The following AR variants were observed in gnomAD, a reference collection of about 807,000 sequenced individuals.
The protein encoded by AR is androgen receptor.
In AR, 8 loss-of-function variants were observed where a neutral mutation model predicts 53.9. The ratio of observed to expected loss-of-function variants is 0.15; its 90% confidence interval spans 0.09 to 0.27. The LOEUF is 0.27. AR is among the 10% of genes least tolerant of loss of function. The pLI, the probability that AR is intolerant of heterozygous loss-of-function variation, is 1.00. For missense variants in AR, 639 were observed against 742.5 expected, an observed-to-expected ratio of 0.86 and a Z score of 1.62; for synonymous variants, 359 against 316.4, an observed-to-expected ratio of 1.13 and a Z score of -1.43.
chrX:67,663,993 G>A (rs778080231), intron 2 of AR, among the ~76,000 whole-genome samples: 1 of 111,576 alleles, frequency 9.0e-6, no homozygotes, highest in South Asian at 3.8e-4. Flanking sequence ...GGACTTCTCT[G>A]CATTGGTTAT....
rs375511121 is a variant in AR at position 67,643,205 on chromosome X, A to G, written c.1617-51A>G. The G allele has an allele frequency of 3.1e-4, 375 of 1,198,505 alleles. 1 individual carries two copies. Among genetic ancestry groups the G allele is most frequent in the Admixed American group, 7.0e-4 (32 of 45,640 alleles). ...TGAAGACCTGAGACTTCACTTGCCT[A>G]TTTCTGCCATTCAGTGACATGTGTT... On this transcript the variant is annotated intron_variant, in intron 1 of 7. Transcript: ENST00000374690.
intron 3 of AR, among the ~76,000 whole-genome samples, chrX:67,710,119 G>T (rs1036074006): frequency 6.4e-5 from 7 of 109,808 alleles, no homozygotes; most frequent in Non-Finnish European, 1.3e-4. Flanking sequence ...GAGAGAGAGA[G>T]ACAGAAAGAG....
intron 1 of AR, among the ~76,000 whole-genome samples, chrX:67,576,986 G>GTT (rs1281015066): frequency 2.9e-5 from 3 of 104,624 alleles, no homozygotes; most frequent in Non-Finnish European, 5.8e-5. Flanking sequence ...ATGTCAATGG[G>GTT]TTTCTCTCTC....
In AR at chrX:67,717,993, G is replaced by A. The variant is rs757764287; in HGVS notation, c.2318+371G>A. On this transcript the variant is annotated intron_variant, in intron 5 of 7. Transcript: ENST00000374690. The stretch of plus-strand genomic sequence containing the variant: ...CTTGGGTTCTTTTGCTACCACCAAA[G>A]GCTACTTCTAGTCACCATTTGCTGA... 2.7e-5 allele frequency among the ~76,000 whole-genome samples: 3 copies of A among 112,793 alleles called. No homozygotes were observed. In the South Asian group the frequency reaches 1.1e-3, roughly 41 times the overall value.
chrX:67,640,027 A>C (rs1383702941), intron 1 of AR, among the ~76,000 whole-genome samples: 1 of 111,696 alleles, frequency 9.0e-6, no homozygotes, highest in Non-Finnish European at 1.9e-5. Context: ...TTGAGCATGA[A>C]GCAGTGTTGT....
intron 1 of AR, among the ~76,000 whole-genome samples, chrX:67,643,014 A>G (rs1450792496): frequency 8.9e-6 from 1 of 111,879 alleles, no homozygotes; most frequent in Non-Finnish European, 1.9e-5. Context: ...GACATAGACT[A>G]TGAGATTGGC....
intron 2 of AR, among the ~76,000 whole-genome samples, chrX:67,663,497 C>G (rs1569299114): frequency 1.8e-5 from 2 of 112,433 alleles, no homozygotes; most frequent in Non-Finnish European, 3.8e-5. Context: ...GAGATCAGCT[C>G]TTAATCTGAT....
intron 1 of AR, among the ~76,000 whole-genome samples, chrX:67,628,449 G>A (rs1176162382): frequency 9.4e-6 from 1 of 106,730 alleles, no homozygotes; most frequent in East Asian, 3.0e-4. Context: ...GTCTGTTATT[G>A]GTGTATAAGA....
chrX:67,654,874 A>G lies in AR; in HGVS notation c.1768+11467A>G, dbSNP rs183206501. Among the ~76,000 whole-genome samples, 87 of 96,657 alleles carry G rather than the reference A, an allele frequency of 9.0e-4. 1 individual carries two copies. Among genetic ancestry groups the G allele is most frequent in the Non-Finnish European group, 1.6e-3 (79 of 48,634 alleles). 83.9% of individuals were successfully genotyped at this position (96,657 alleles called of 115,157 possible). A position where few individuals can be genotyped will look rare whatever the true frequency, so the allele number is the denominator to read the frequency against. On this transcript the variant is annotated intron_variant, in intron 2 of 7. Coordinates refer to ENST00000374690, the MANE Select transcript of AR (RefSeq NM_000044.6). Reference sequence around the variant, plus strand: ...TGCCGTCTCCTACATTCCTAGTGCTATGGACCTCTTGGAGGAATGTGGTTT... The same window carrying G: ...TGCCGTCTCCTACATTCCTAGTGCTGTGGACCTCTTGGAGGAATGTGGTTT...
intron 1 of AR, among the ~76,000 whole-genome samples, chrX:67,594,075 G>C (rs1047466560): frequency 2.7e-5 from 3 of 112,018 alleles, no homozygotes; most frequent in Admixed American, 9.5e-5. Flanking sequence ...GCTTACTACA[G>C]CCTCGATCTC....
At chrX:67,629,615 G>T (rs1373932533) in intron 1 of AR, among the ~76,000 whole-genome samples, 8 of 110,021 alleles carry the variant, frequency 7.3e-5, no homozygotes, top group Non-Finnish European at 1.1e-4. Context: ...TTTTTTGAAG[G>T]GTTTTTTGTG....
chrX:67,630,421 T>C (rs1361773443), intron 1 of AR, among the ~76,000 whole-genome samples: 2 of 111,723 alleles, frequency 1.8e-5, no homozygotes, highest in East Asian at 5.6e-4. Context: ...TTGATCTTTG[T>C]TGGTTTAAAG....
In AR at chrX:67,724,590, G is replaced by A. The variant is rs2147542162; in HGVS notation, c.*749G>A. 5.8e-6 allele frequency: 1 copy of A among 173,445 alleles called. No individual in the cohort carries two copies. Among genetic ancestry groups the A allele is most frequent in the African/African-American group, 3.0e-5 (1 of 33,606 alleles). The allele number at this position is 173,445 out of a possible 1,213,427, so 14.3% of individuals were successfully genotyped here. ...TGGACAGAGAGGAGAGGACAAGGAG[G>A]GCAATGGAGCATCAGTACCTGCCCA... On this transcript the variant is annotated 3_prime_UTR_variant, in exon 8 of 8. Coordinates refer to ENST00000374690, the MANE Select transcript of AR (RefSeq NM_000044.6).
chrX:67,648,257 C>G (rs937257148), intron 2 of AR, among the ~76,000 whole-genome samples: 1 of 111,545 alleles, frequency 9.0e-6, no homozygotes, highest in African/African-American at 3.3e-5. Flanking sequence ...TCTAGTAGAT[C>G]ACTCCTCCTT....
At chrX:67,579,879 C>A (rs1192663856) in intron 1 of AR, among the ~76,000 whole-genome samples, 2 of 111,342 alleles carry the variant, frequency 1.8e-5, no homozygotes, top group Non-Finnish European at 3.8e-5. Context: ...ATCTGTTCAG[C>A]CTTTTTGCAC....
intron 2 of AR, among the ~76,000 whole-genome samples, chrX:67,672,297 G>A (rs1304738313): frequency 9.0e-6 from 1 of 110,997 alleles, no homozygotes; most frequent in Non-Finnish European, 1.9e-5. Context: ...CATCCATTCA[G>A]CCAGTCTATA....
At chrX:67,667,835 G>T (rs151188491) in intron 2 of AR, among the ~76,000 whole-genome samples, 1 of 110,532 alleles carries the variant, frequency 9.0e-6, no homozygotes, top group Non-Finnish European at 1.9e-5. Context: ...ATTGACAATG[G>T]GATTGCTTTC....
chrX:67,549,745 G>A (rs1326698789), intron 1 of AR, among the ~76,000 whole-genome samples: 1 of 112,142 alleles, frequency 8.9e-6, no homozygotes, highest in Admixed American at 9.4e-5. Flanking sequence ...GATGCCAAAA[G>A]AACATTTTAA....
intron 1 of AR, among the ~76,000 whole-genome samples, chrX:67,596,874 A>G (rs1373677242): frequency 8.9e-6 from 1 of 111,917 alleles, no homozygotes; most frequent in Non-Finnish European, 1.9e-5. Flanking sequence ...GAGCAGTTCT[A>G]GTTATCTCTC....
Sources: gnomAD v4.1 joint callset for allele counts (sites outside exome capture counted in the v4.1 genomes callset) on GRCh38, gnomAD v4.1.1 for gene constraint, MANE v1.5 for transcripts, NCBI Gene and HGNC (gene_info 2026-07-23, HGNC 2026-07-21) for gene names.